The following DLG2 variants were observed in gnomAD, a reference collection of about 807,000 sequenced individuals.
DLG2 encodes the protein discs large MAGUK scaffold protein 2, also known as disks large homolog 2.
Under a neutral mutation model 132.5 loss-of-function variants are expected in DLG2, and 45 were observed. That is an observed-to-expected ratio of 0.34 (90% confidence interval 0.27 to 0.44). DLG2 has a LOEUF of 0.44. DLG2 is among the 20% of genes least tolerant of loss of function. The pLI is 1.00. For missense variants in DLG2, 1,045 were observed against 1,196.9 expected (o/e 0.87, Z 1.87); for synonymous variants, 424 against 419.6 (o/e 1.01, Z -0.13).
chr11:85,136,879 G>A (rs1364804034), intron 5 of DLG2, among the ~76,000 whole-genome samples: 1 of 152,006 alleles, frequency 6.6e-6, no homozygotes, highest in East Asian at 1.9e-4. Context: ...AATATTAGTG[G>A]AATGAAAGAA....
rs964007345 is a variant in DLG2, at chr11:83,944,724, C to G, written c.1341-14241G>C. Reference sequence around the variant, plus strand: ...ATTCCAATCACAGCTTAGATAGACACCAGGCAACAAAACTGCTAGAGTTGT... The same window carrying G: ...ATTCCAATCACAGCTTAGATAGACAGCAGGCAACAAAACTGCTAGAGTTGT... On this transcript the variant is annotated intron_variant, in intron 14 of 27. Transcript: ENST00000376104. Among the ~76,000 whole-genome samples the G allele has an allele frequency of 7.2e-5, 11 of 152,150 alleles. 1 individual carries two copies. The highest frequency in any genetic ancestry group is 5.9e-5 in the Non-Finnish European group (4 of 68,028).
intron 3 of DLG2, among the ~76,000 whole-genome samples, chr11:85,466,576 C>G (rs2092798046): frequency 6.6e-6 from 1 of 152,170 alleles, no homozygotes; most frequent in Admixed American, 6.5e-5. Context: ...AATCCTTTCC[C>G]TACTTCTTGT....
chr11:84,886,696 C>G (rs2088383234), intron 6 of DLG2, among the ~76,000 whole-genome samples: 1 of 152,060 alleles, frequency 6.6e-6, no homozygotes, highest in South Asian at 2.1e-4. Context: ...TGGTTGGGAA[C>G]CAATAATAAC....
intron 3 of DLG2, among the ~76,000 whole-genome samples, chr11:85,569,879 A>G (rs1197622894): frequency 6.6e-6 from 1 of 152,216 alleles, no homozygotes; most frequent in Admixed American, 6.5e-5. Context: ...ATTACTGGGT[A>G]TATACCCAAA....
At chr11:85,594,737 A>G (rs2079609972) in intron 3 of DLG2, among the ~76,000 whole-genome samples, 1 of 152,208 alleles carries the variant, frequency 6.6e-6, no homozygotes, top group Non-Finnish European at 1.5e-5. Context: ...TTGTTTAAAA[A>G]TTAAAAGTCA....
intron 4 of DLG2, among the ~76,000 whole-genome samples, chr11:85,168,749 C>T (rs1054042004): frequency 2.6e-5 from 4 of 151,860 alleles, no homozygotes; most frequent in African/African-American, 9.7e-5. Context: ...TATCATGTAC[C>T]TTTCACATGC....
chr11:84,469,085 C>G (rs915743109), intron 7 of DLG2, among the ~76,000 whole-genome samples: 1 of 151,640 alleles, frequency 6.6e-6, no homozygotes, highest in African/African-American at 2.4e-5. Context: ...AATGACTAAT[C>G]TCTAATAATA....
At chr11:85,111,762 A>T in intron 5 of DLG2, 27 bp from the exon 6 acceptor site, 1 of 1,505,582 alleles carries the variant, frequency 6.6e-7, no homozygotes, top group South Asian at 1.2e-5. Flanking sequence ...ATTATATTAT[A>T]TTCTATTTAT....
At chr11:84,065,167 T>C (rs2096652270) in intron 10 of DLG2, among the ~76,000 whole-genome samples, 1 of 152,118 alleles carries the variant, frequency 6.6e-6, no homozygotes, top group Non-Finnish European at 1.5e-5. Flanking sequence ...TGGCAAAGAT[T>C]TCATGATAAA....
At chr11:83,628,990 A>G (rs1380689855) in intron 19 of DLG2, among the ~76,000 whole-genome samples, 1 of 152,158 alleles carries the variant, frequency 6.6e-6, no homozygotes, top group Non-Finnish European at 1.5e-5. Flanking sequence ...GTGTATATGT[A>G]TTTACTGGGT....
intron 22 of DLG2, chr11:83,480,258 A>C (rs977694262): frequency 3.5e-6 from 3 of 848,858 alleles, no homozygotes; most frequent in Admixed American, 2.2e-5. Context: ...ATTTGCTTTG[A>C]ATACAGATGA....
intron 19 of DLG2, among the ~76,000 whole-genome samples, chr11:83,565,536 G>C (rs1268694092): frequency 6.7e-6 from 1 of 150,334 alleles, no homozygotes. Context: ...AGAACTGCCA[G>C]AAATTTCTAT....
In DLG2 at chr11:85,396,805, G is replaced by C. The variant is rs114918752; in HGVS notation, c.41-111440C>G. ...AAAAGACCAAATATATGTTTGATTG[G>C]TGTACTGGAAAGTGATGCGGAGAAT... On this transcript the variant is annotated intron_variant, in intron 3 of 27. Transcript: ENST00000376104. Among the ~76,000 whole-genome samples the C allele has an allele frequency of 8.1e-3, 1,241 of 152,302 alleles. 14 individuals are homozygous for C. The highest frequency in any genetic ancestry group is 0.028 in the African/African-American group (1,168 of 41,552).
chr11:84,683,081 G>A (rs550302372), intron 6 of DLG2, among the ~76,000 whole-genome samples: 3 of 152,266 alleles, frequency 2.0e-5, no homozygotes, highest in East Asian at 3.9e-4. Context: ...AAATATACTG[G>A]TCTGAATGAT....
intron 10 of DLG2, among the ~76,000 whole-genome samples, chr11:84,094,727 T>C (rs566614757): frequency 6.6e-6 from 1 of 152,274 alleles, no homozygotes; most frequent in African/African-American, 2.4e-5. Flanking sequence ...CTTCAAAACC[T>C]AATCATCTCT....
At chr11:85,110,782 C>T (rs2072598878) in intron 6 of DLG2, among the ~76,000 whole-genome samples, 1 of 152,092 alleles carries the variant, frequency 6.6e-6, no homozygotes, top group Non-Finnish European at 1.5e-5. Context: ...GGTACCTCAA[C>T]AATAGATAAA....
chr11:83,983,970 A>C (rs1157607561), intron 11 of DLG2, among the ~76,000 whole-genome samples: 2 of 152,108 alleles, frequency 1.3e-5, no homozygotes, highest in African/African-American at 2.4e-5. Context: ...AGGTTATTCC[A>C]AACTCTGAAA....
At chr11:83,509,238 A>G (rs551545058) in intron 21 of DLG2, among the ~76,000 whole-genome samples, 2 of 152,366 alleles carry the variant, frequency 1.3e-5, no homozygotes, top group South Asian at 4.1e-4. Context: ...ATCACTGGCC[A>G]TCTGACCTTG....
chr11:85,226,518 G>A (rs763563983), intron 4 of DLG2, among the ~76,000 whole-genome samples: 2 of 151,888 alleles, frequency 1.3e-5, no homozygotes, highest in Admixed American at 6.6e-5. Flanking sequence ...TCGCCACTAC[G>A]CTCTAGCCTG....
Sources: gnomAD v4.1 joint callset for allele counts (sites outside exome capture counted in the v4.1 genomes callset) on GRCh38, gnomAD v4.1.1 for gene constraint, MANE v1.5 for transcripts, NCBI Gene and HGNC (gene_info 2026-07-23, HGNC 2026-07-21) for gene names.